Variants in NTM observed in about 807,000 individuals in gnomAD.
The protein encoded by NTM is neurotrimin, also known as IgLON family member 2.
A neutral mutation model predicts 42.1 loss-of-function variants in NTM; 13 were observed. The observed-to-expected ratio is 0.31, with a 90% confidence interval of 0.20 to 0.49. The LOEUF (loss-of-function observed/expected upper bound fraction) is 0.49, where lower values mean the gene tolerates loss of function less well. Ranked by LOEUF, NTM falls within the 20% of genes least tolerant of loss-of-function variation. The pLI, the probability that NTM is intolerant of heterozygous loss-of-function variation, is 0.99. For missense variants in NTM, 373 were observed against 452.8 expected (o/e 0.82, Z 1.60); for synonymous variants, 187 against 179.2 (o/e 1.04, Z -0.35).
chr11:132,023,809 TTTTG>T (rs1467137453), intron 2 of NTM, among the ~76,000 whole-genome samples: 14 of 121,796 alleles, frequency 1.1e-4, no homozygotes, highest in South Asian at 2.6e-4. Context: ...GTGGTGGTGG[TTTTG>T]TTGTTGTTGT....
chr11:131,769,078 C>T (rs2085610514), intron 1 of NTM, among the ~76,000 whole-genome samples: 1 of 152,084 alleles, frequency 6.6e-6, no homozygotes, highest in East Asian at 1.9e-4. Flanking sequence ...GTATGAAGAC[C>T]AGGCATAGAG....
intron 2 of NTM, among the ~76,000 whole-genome samples, chr11:131,980,116 G>A (rs1273642820): frequency 6.6e-6 from 1 of 152,102 alleles, no homozygotes; most frequent in Non-Finnish European, 1.5e-5. Flanking sequence ...GGAAGTGAAG[G>A]GAATGGATGT....
At chr11:131,500,571 ATATATATTTTTTTTTTTTTT>A (rs1238812808) in intron 1 of NTM, among the ~76,000 whole-genome samples, 165 of 85,330 alleles carry the variant, frequency 1.9e-3, no homozygotes, top group African/African-American at 6.4e-3. Context: ...ATATATATAT[ATATATATTTTTTTTTTTTTT>A]TTTTGTATTA....
intron 3 of NTM, among the ~76,000 whole-genome samples, chr11:132,185,083 C>T (rs1227789494): frequency 2.0e-5 from 3 of 152,164 alleles, no homozygotes; most frequent in Non-Finnish European, 4.4e-5. Flanking sequence ...ATTGTCGTAT[C>T]TAGGCTCAGT....
chr11:131,422,007 A>C (rs1204506355), intron 1 of NTM, among the ~76,000 whole-genome samples: 1 of 152,180 alleles, frequency 6.6e-6, no homozygotes, highest in Non-Finnish European at 1.5e-5. Context: ...GCCCGTGAAG[A>C]ATCCGTGGAT....
At chr11:132,160,343 G>T (rs1311761963) in intron 3 of NTM, among the ~76,000 whole-genome samples, 2 of 152,214 alleles carry the variant, frequency 1.3e-5, no homozygotes, top group Non-Finnish European at 2.9e-5. Context: ...GTCAGCCTTG[G>T]CCACAGCACT....
At chr11:132,238,609 T>C (rs1330504594) in intron 4 of NTM, among the ~76,000 whole-genome samples, 1 of 152,164 alleles carries the variant, frequency 6.6e-6, no homozygotes, top group Non-Finnish European at 1.5e-5. Context: ...CTCCCAGAGC[T>C]CTGGCCATTT....
chr11:131,988,666 G>A (rs1593445284), intron 2 of NTM, among the ~76,000 whole-genome samples: 1 of 152,160 alleles, frequency 6.6e-6, no homozygotes, highest in African/African-American at 2.4e-5. Context: ...TTAAATCAGA[G>A]ATTCGCTAGA....
chr11:131,405,542 A>G (rs1182429890), intron 1 of NTM, among the ~76,000 whole-genome samples: 1 of 152,154 alleles, frequency 6.6e-6, no homozygotes, highest in Non-Finnish European at 1.5e-5. Flanking sequence ...ATCCATATTT[A>G]TTCACGTTTG....
chr11:131,656,783 T>C (rs181373068), intron 1 of NTM, among the ~76,000 whole-genome samples: 573 of 152,270 alleles, frequency 3.8e-3, no homozygotes, highest in Non-Finnish European at 6.0e-3. Context: ...GAGAGGGTGT[T>C]TGAGACAGAG....
At chr11:131,853,980 A>C (rs1457520870) in intron 1 of NTM, among the ~76,000 whole-genome samples, 2 of 152,224 alleles carry the variant, frequency 1.3e-5, no homozygotes, top group Non-Finnish European at 2.9e-5. Context: ...TTTTCTAGAA[A>C]GCTAGTAATA....
At chr11:131,921,857 C>T (rs2057269048) in intron 2 of NTM, among the ~76,000 whole-genome samples, 1 of 152,070 alleles carries the variant, frequency 6.6e-6, no homozygotes, top group Non-Finnish European at 1.5e-5. Flanking sequence ...TCTCAGTTAT[C>T]TCGACCACCT....
At chr11:131,636,521 T>C (rs11608052) in intron 1 of NTM, among the ~76,000 whole-genome samples, 26,950 of 151,920 alleles carry the variant, frequency 0.18, 4,361 homozygotes, top group African/African-American at 0.44. Context: ...ACACGGAGGG[T>C]CAACTGAACT....
Position 132,003,248 on chromosome 11 carries a change from T to A in NTM, c.167+91600T>A, listed in dbSNP as rs1010079506. ...GATTCCTCCACCCACACCCTTAGAG[T>A]TTTTTTTTCTTTTTTTTTTTTGACA... On this transcript the variant is annotated intron_variant, in intron 2 of 8. Coordinates refer to ENST00000683400, the MANE Select transcript of NTM (RefSeq NM_001352005.2). This position sits in a 1 kb window ranked among gnomAD's most constrained non-coding sequence, Gnocchi z 6.0. Among the ~76,000 whole-genome samples, 4 of 35,866 alleles carry A rather than the reference T, an allele frequency of 1.1e-4. No individual in the cohort carries two copies. Among genetic ancestry groups the A allele is most frequent in the African/African-American group, 5.4e-4 (3 of 5,596 alleles). The allele number at this position is 35,866 out of a possible 152,430, so 23.5% of individuals were successfully genotyped here.
chr11:131,607,156 G>T (rs749045318), intron 1 of NTM, among the ~76,000 whole-genome samples: 1 of 152,148 alleles, frequency 6.6e-6, no homozygotes, highest in African/African-American at 2.4e-5. Context: ...CATCACTTGC[G>T]ACCAGCCAGG....
At chr11:131,972,631 G>A (rs1309929031) in intron 2 of NTM, among the ~76,000 whole-genome samples, 1 of 152,042 alleles carries the variant, frequency 6.6e-6, no homozygotes, top group African/African-American at 2.4e-5. Flanking sequence ...TTCTTTTTCT[G>A]TGTTTCTGCT....
At chr11:131,386,454 T>C (rs773827531) in intron 1 of NTM, among the ~76,000 whole-genome samples, 2 of 152,256 alleles carry the variant, frequency 1.3e-5, no homozygotes, top group Non-Finnish European at 2.9e-5. Flanking sequence ...AAAGGGTGAA[T>C]TTTATTTCAT....
chr11:131,754,625 CAA>C (rs35686470), intron 1 of NTM, among the ~76,000 whole-genome samples: 34 of 147,160 alleles, frequency 2.3e-4, no homozygotes, highest in African/African-American at 6.7e-4. Flanking sequence ...ACCCCAACTC[CAA>C]AAAAAAAAAA....
intron 1 of NTM, among the ~76,000 whole-genome samples, chr11:131,743,167 T>A (rs2081390486): frequency 6.6e-6 from 1 of 152,176 alleles, no homozygotes; most frequent in Non-Finnish European, 1.5e-5. Flanking sequence ...ACACAAAGAC[T>A]TAACAAGTTG....
Sources: gnomAD v4.1 joint callset for allele counts (sites outside exome capture counted in the v4.1 genomes callset) on GRCh38, gnomAD v4.1.1 for gene constraint, Gnocchi (gnomAD v3.1) non-coding constraint, MANE v1.5 for transcripts, NCBI Gene and HGNC (gene_info 2026-07-23, HGNC 2026-07-21) for gene names.